NKD1: variants seen among roughly 807,000 people sequenced by gnomAD.
The protein encoded by NKD1 is NKD inhibitor of Wnt signaling pathway 1.
Under a neutral mutation model 56.0 loss-of-function variants are expected in NKD1, and 21 were observed. That is an observed-to-expected ratio of 0.38 (90% CI 0.27 to 0.54). The LOEUF (loss-of-function observed/expected upper bound fraction) is 0.54. Ranked by LOEUF, NKD1 falls within the 20% of genes least tolerant of loss-of-function variation. The probability of loss-of-function intolerance (pLI) is 0.82; values close to 1 mark genes in which losing one functional copy is unlikely to be tolerated. For synonymous variants in NKD1, 263 were observed against 265.7 expected (o/e 0.99, Z 0.10); for missense variants, 578 against 642.7 (o/e 0.90, Z 1.09).
At chr16:50,571,052 T>C (rs1471765182) in intron 3 of NKD1, 1 of 956,534 alleles carries the variant, frequency 1.0e-6, no homozygotes, top group Non-Finnish European at 1.2e-6. Context: ...GCTGGACATC[T>C]CCTCCCTGGG....
At chr16:50,574,294 G>T (rs1203696490) in intron 3 of NKD1, 20 of 985,268 alleles carry the variant, frequency 2.0e-5, no homozygotes, top group Middle Eastern at 5.2e-4. Context: ...GGGGGCTAGG[G>T]ATTGGAAATG....
chr16:50,557,042 AC>A (rs1323700703), intron 3 of NKD1: 4 of 151,830 alleles, frequency 2.6e-5, no homozygotes, highest in African/African-American at 4.8e-5. Flanking sequence ...CCCACCCTGC[AC>A]CCTCCAGTAG....
chr16:50,615,196 G>A (rs1054524871), intron 4 of NKD1, among the ~76,000 whole-genome samples: 3 of 152,224 alleles, frequency 2.0e-5, no homozygotes, highest in Non-Finnish European at 4.4e-5. Flanking sequence ...CAGGCCAGTG[G>A]TTGAGGAGTT....
chr16:50,619,102 G>C (rs1596748856), intron 4 of NKD1, among the ~76,000 whole-genome samples: 1 of 152,226 alleles, frequency 6.6e-6, no homozygotes, highest in East Asian at 1.9e-4. Context: ...GTTTCGACAA[G>C]CCTGGCCAGC....
chr16:50,601,434 T>G (rs1358837578), intron 3 of NKD1, among the ~76,000 whole-genome samples: 1 of 152,226 alleles, frequency 6.6e-6, no homozygotes, highest in Non-Finnish European at 1.5e-5. Context: ...AGACACTTTT[T>G]CGAGTGCCTG....
intron 3 of NKD1, among the ~76,000 whole-genome samples, chr16:50,586,788 A>G (rs983652204): frequency 2.0e-5 from 3 of 152,202 alleles, no homozygotes; most frequent in African/African-American, 7.2e-5. Context: ...ACCTCCTGTG[A>G]CAGGAAGCTC....
Position 50,589,668 on chromosome 16 carries a change from G to A in NKD1, c.193-18626G>A, listed in dbSNP as rs139906946. Among the ~76,000 whole-genome samples the A allele has an allele frequency of 3.3e-5, 5 of 151,662 alleles. No homozygotes were observed. In the East Asian group the frequency reaches 9.7e-4, roughly 30 times the overall value. ...CAGCGGGCAAATGGATCATGTTGGA[G>A]GCCTTTGCTGAATGCTTTCTTTTCT... On this transcript the variant is annotated intron_variant, in intron 3 of 9. Transcript: ENST00000268459.
chr16:50,558,733 A>AG (rs1315726937), intron 3 of NKD1: 1 of 151,446 alleles, frequency 6.6e-6, no homozygotes, highest in African/African-American at 2.4e-5. Flanking sequence ...AAAAAAAAAA[A>AG]AAAGAAAGAA....
At chr16:50,549,677 T>G (rs1436902466) in intron 3 of NKD1, 122 bp downstream of exon 3, 3 of 1,015,546 alleles carry the variant, frequency 3.0e-6, no homozygotes, top group Non-Finnish European at 4.1e-6. Flanking sequence ...GAAAATCTCT[T>G]CTCAGCTGCC....
chr16:50,556,212 G>A (rs1312400822), intron 3 of NKD1: 1 of 152,294 alleles, frequency 6.6e-6, no homozygotes, highest in Non-Finnish European at 1.5e-5. Context: ...AGGGGCTGGA[G>A]GCAAGCCTGA....
chr16:50,628,701 A>C (rs1180731446), intron 6 of NKD1, among the ~76,000 whole-genome samples: 1 of 152,260 alleles, frequency 6.6e-6, no homozygotes, highest in African/African-American at 2.4e-5. Context: ...CGGAGAGGAG[A>C]TGAGATTTGG....
At position 50,584,909 on chromosome 16, in the gene NKD1, C is replaced by T. The variant is rs565771719; in HGVS notation, c.193-23385C>T. 1.2e-4 allele frequency among the ~76,000 whole-genome samples: 18 copies of T among 152,274 alleles called. No homozygotes were observed. The South Asian group carries it at 2.1e-3, about 18-fold the overall frequency. ...GGGCTCTGGGCTGTCGTCTGTAGAT[C>T]GTAATGAGGCCCAGGCGCCCAGACT... On this transcript the variant is annotated intron_variant, in intron 3 of 9. Transcript: ENST00000268459.
intron 6 of NKD1, among the ~76,000 whole-genome samples, chr16:50,626,404 G>C (rs1161580966): frequency 2.6e-5 from 4 of 152,206 alleles, no homozygotes; most frequent in African/African-American, 7.2e-5. Context: ...TGCTGGGACA[G>C]AGACTGGCTG....
At chr16:50,579,436 G>A (rs866234010) in intron 3 of NKD1, among the ~76,000 whole-genome samples, 1 of 141,690 alleles carries the variant, frequency 7.1e-6, no homozygotes, top group Non-Finnish European at 1.5e-5. Flanking sequence ...CGCTACACAC[G>A]CACTCTAACC....
intron 3 of NKD1, among the ~76,000 whole-genome samples, chr16:50,605,251 A>G (rs1961679877): frequency 6.6e-6 from 1 of 152,244 alleles, no homozygotes; most frequent in Admixed American, 6.5e-5. Flanking sequence ...CACTGTGAGC[A>G]CTTGGTAGAT....
chr16:50,563,077 A>C (rs755230502), intron 3 of NKD1, among the ~76,000 whole-genome samples: 8 of 149,792 alleles, frequency 5.3e-5, no homozygotes, highest in Non-Finnish European at 1.0e-4. Context: ...TGATGATGGA[A>C]ATGTTCTGTG....
At chr16:50,619,314 G>A (rs959433223) in intron 4 of NKD1, among the ~76,000 whole-genome samples, 2 of 152,120 alleles carry the variant, frequency 1.3e-5, no homozygotes, top group African/African-American at 2.4e-5. Context: ...GATCTGGGCT[G>A]TCAGCTGGCA....
intron 4 of NKD1, 105 bp from the exon 5 acceptor site, chr16:50,621,496 CT>C: frequency 1.4e-6 from 1 of 740,058 alleles, no homozygotes; most frequent in Non-Finnish European, 2.2e-6. Flanking sequence ...GCCCAGCCCC[CT>C]GGCGAGAATG....
At chr16:50,583,615 C>T (rs1961165457) in intron 3 of NKD1, among the ~76,000 whole-genome samples, 1 of 152,180 alleles carries the variant, frequency 6.6e-6, no homozygotes, top group Non-Finnish European at 1.5e-5. Flanking sequence ...TCACTAAGTT[C>T]AGGAGCGGTT....
Sources: gnomAD v4.1 joint callset for allele counts (sites outside exome capture counted in the v4.1 genomes callset) on GRCh38, gnomAD v4.1.1 for gene constraint, MANE v1.5 for transcripts, NCBI Gene and HGNC (gene_info 2026-07-23, HGNC 2026-07-21) for gene names.